APBA2: variants seen among roughly 807,000 people sequenced by gnomAD.
APBA2 encodes the protein amyloid beta precursor protein binding family A member 2, also known as amyloid-beta A4 precursor protein-binding family A member 2.
Under a neutral mutation model 75.0 loss-of-function variants are expected in APBA2, and 30 were observed. The ratio of observed to expected loss-of-function variants is 0.40; its 90% CI spans 0.30 to 0.54. APBA2 has a LOEUF of 0.54. APBA2 is among the 20% of genes least tolerant of loss of function. APBA2 has a pLI of 0.49. For synonymous variants in APBA2, 444 were observed against 409.6 expected (o/e 1.08, Z -1.01); for missense variants, 801 against 1,016.1 (o/e 0.79, Z 2.88).
rs1419689158 is a variant in APBA2, at chr15:28,886,101, T to C, written c.-382T>C. The C allele has an allele frequency of 1.3e-5, 2 of 149,130 alleles. No homozygotes were observed. The highest frequency in any genetic ancestry group is 2.4e-5 in the African/African-American group (1 of 40,968). The allele number at this position is 149,130 out of a possible 1,614,324, so 9.2% of individuals were successfully genotyped here. On this transcript the variant is annotated 5_prime_UTR_variant, in exon 1 of 15. Coordinates refer to ENST00000683413, the MANE Select transcript of APBA2 (RefSeq NM_001353788.2). Reference sequence around the variant, plus strand: ...CCGGCAGAGGCGGCCCTGCGTGCCGTACGCTGCGTCCGGGGCGCGCCCGCC... The same window carrying C: ...CCGGCAGAGGCGGCCCTGCGTGCCGCACGCTGCGTCCGGGGCGCGCCCGCC...
rs1378709441 is a variant in APBA2 at position 28,918,037 on chromosome 15, C to G, written c.-204-3603C>G. Among the ~76,000 whole-genome samples the G allele has an allele frequency of 6.6e-6, 1 of 152,236 alleles. No homozygotes were observed. The highest frequency in any genetic ancestry group is 1.5e-5 in the Non-Finnish European group (1 of 68,034). ...CACTGTGGGGCAAGGAAGCTGCCCCCAGTCGGTCCCCGAGGATTCTGCCCA... is the reference window on the plus strand; with the variant it reads ...CACTGTGGGGCAAGGAAGCTGCCCCGAGTCGGTCCCCGAGGATTCTGCCCA... On this transcript the variant is annotated intron_variant, in intron 1 of 14. Coordinates refer to ENST00000683413, the MANE Select transcript of APBA2 (RefSeq NM_001353788.2). The surrounding 1 kb of genome is among the most constrained non-coding windows in gnomAD (Gnocchi z 4.2).
intron 2 of APBA2, among the ~76,000 whole-genome samples, chr15:28,960,898 T>C (rs2036433872): frequency 1.3e-5 from 2 of 152,040 alleles, no homozygotes; most frequent in Admixed American, 1.3e-4. Context: ...TAGCTGGGAT[T>C]ACAGGCGTGC....
At chr15:29,065,568 A>G (rs2042345045) in intron 4 of APBA2, among the ~76,000 whole-genome samples, 1 of 152,122 alleles carries the variant, frequency 6.6e-6, no homozygotes, top group African/African-American at 2.4e-5. Context: ...CAACTCAGAC[A>G]TGTGGAGAAA....
At chr15:28,997,378 G>T (rs2038585319) in intron 3 of APBA2, among the ~76,000 whole-genome samples, 1 of 152,148 alleles carries the variant, frequency 6.6e-6, no homozygotes, top group Admixed American at 6.5e-5. Flanking sequence ...ATGTACTTTT[G>T]TGCTCTCAAC....
At chr15:29,082,784 G>C (rs2043137880) in intron 6 of APBA2, among the ~76,000 whole-genome samples, 1 of 152,190 alleles carries the variant, frequency 6.6e-6, no homozygotes, top group African/African-American at 2.4e-5. Flanking sequence ...TTGTTGGCCA[G>C]GCACAGTGGC....
chr15:28,991,396 C>T lies in APBA2; in HGVS notation c.-94-4357C>T, dbSNP rs141126767. Among the ~76,000 whole-genome samples the T allele has an allele frequency of 1.6e-3, 245 of 152,280 alleles. 1 individual carries two copies. The highest frequency in any genetic ancestry group is 5.5e-3 in the African/African-American group (228 of 41,544). On this transcript the variant is annotated intron_variant, in intron 2 of 14. Transcript: ENST00000683413. The surrounding 1 kb of genome is among the most constrained non-coding windows in gnomAD (Gnocchi z 4.7). The stretch of plus-strand genomic sequence containing the variant: ...CGGCAGCTTGGCTGAGCTACAGGGC[C>T]GGGCCGCAGGAGGCGTCCTTGTGCC...
chr15:28,960,829 G>T (rs1043002224), intron 2 of APBA2, among the ~76,000 whole-genome samples: 1 of 148,212 alleles, frequency 6.7e-6, no homozygotes, highest in Non-Finnish European at 1.5e-5. Context: ...GTGTGATCTC[G>T]GCTCGCCGCA....
At chr15:28,952,584 T>C (rs1227282328) in intron 2 of APBA2, among the ~76,000 whole-genome samples, 1 of 152,164 alleles carries the variant, frequency 6.6e-6, no homozygotes, top group Non-Finnish European at 1.5e-5. Flanking sequence ...CATGTACAAA[T>C]ATGATTCAGC....
At chr15:29,001,238 G>C (rs1214501362) in intron 3 of APBA2, among the ~76,000 whole-genome samples, 1 of 151,818 alleles carries the variant, frequency 6.6e-6, no homozygotes, top group Non-Finnish European at 1.5e-5. Flanking sequence ...TTTTGAGACA[G>C]GGTCTCACTC....
chr15:28,992,929 A>G (rs960122119), intron 2 of APBA2, among the ~76,000 whole-genome samples: 1 of 152,222 alleles, frequency 6.6e-6, no homozygotes, highest in African/African-American at 2.4e-5. Flanking sequence ...TAATTGTTCC[A>G]AAAATGGTGA....
At chr15:29,018,851 C>A (rs1453064965) in intron 3 of APBA2, among the ~76,000 whole-genome samples, 3 of 152,170 alleles carry the variant, frequency 2.0e-5, no homozygotes, top group African/African-American at 4.8e-5. Flanking sequence ...CCTGGGCCCC[C>A]ACTTGCTGCC....
intron 3 of APBA2, among the ~76,000 whole-genome samples, chr15:28,996,381 C>T (rs556823249): frequency 6.6e-6 from 1 of 152,110 alleles, no homozygotes; most frequent in Non-Finnish European, 1.5e-5. Context: ...GGTCCATCCT[C>T]CCTCCCTGTG....
At chr15:29,026,106 C>T (rs1209213650) in intron 3 of APBA2, among the ~76,000 whole-genome samples, 1 of 152,230 alleles carries the variant, frequency 6.6e-6, no homozygotes. Context: ...ACACCCTCCT[C>T]TTAATGACCC....
At chr15:29,007,037 A>G (rs1272092150) in intron 3 of APBA2, among the ~76,000 whole-genome samples, 1 of 152,190 alleles carries the variant, frequency 6.6e-6, no homozygotes, top group African/African-American at 2.4e-5. Flanking sequence ...CATCAAAACA[A>G]TGTAGTAGTT....
chr15:29,027,363 A>G (rs1432427218), intron 3 of APBA2, among the ~76,000 whole-genome samples: 1 of 152,150 alleles, frequency 6.6e-6, no homozygotes, highest in Non-Finnish European at 1.5e-5. Flanking sequence ...GTGGTAATTT[A>G]TATTTTCTTA....
At chr15:29,033,413 C>T (rs937194851) in intron 3 of APBA2, among the ~76,000 whole-genome samples, 1 of 152,146 alleles carries the variant, frequency 6.6e-6, no homozygotes, top group African/African-American at 2.4e-5. Flanking sequence ...AACCTGCTTC[C>T]TCAACTCTCC....
chr15:29,038,092 G>A (rs559564740), intron 3 of APBA2, among the ~76,000 whole-genome samples: 1 of 152,330 alleles, frequency 6.6e-6, no homozygotes, highest in East Asian at 1.9e-4. Flanking sequence ...TGGCACCTCT[G>A]GTTTTGCCCC....
intron 2 of APBA2, among the ~76,000 whole-genome samples, chr15:28,951,491 G>A (rs72714186): frequency 0.017 from 2,623 of 152,340 alleles, 35 homozygotes; most frequent in Middle Eastern, 0.044. Flanking sequence ...TCTTGTCACC[G>A]AGGTACATTG....
Position 29,053,909 on chromosome 15 carries a change from G to T in APBA2, c.25G>T (p.Val9Leu). The T allele has an allele frequency of 6.2e-7, 1 of 1,612,526 alleles. No individual in the cohort carries two copies. Among genetic ancestry groups the T allele is most frequent in the Non-Finnish European group, 8.5e-7 (1 of 1,178,786 alleles). Residue 9 changes from valine (V) to leucine (L), a missense_variant, in exon 4 of 15, where the codon GTG (valine) becomes TTG (leucine). Coordinates refer to ENST00000683413, the MANE Select transcript of APBA2 (RefSeq NM_001353788.2). MAHRKLESVGSGMLDHRVR... is the reference protein window; with the variant it reads MAHRKLESLGSGMLDHRVR... ...CATGGCCCACCGGAAGCTTGAGAGC[G>T]TGGGGAGCGGCATGTTGGACCATAG...
Sources: allele counts gnomAD v4.1 joint callset (sites outside exome capture counted in the v4.1 genomes callset), GRCh38; gene constraint gnomAD v4.1.1; non-coding constraint Gnocchi (gnomAD v3.1); transcripts MANE v1.5; gene names NCBI Gene and HGNC (gene_info 2026-07-23, HGNC 2026-07-21).